AUH: variants seen among roughly 807,000 people sequenced by gnomAD.
AUH encodes methylglutaconyl-CoA hydratase, mitochondrial.
A neutral mutation model predicts 42.3 loss-of-function variants in AUH; 29 were observed. The ratio of observed to expected loss-of-function variants is 0.69; its 90% CI spans 0.51 to 0.93. AUH has a LOEUF of 0.93. Among genes scored for constraint, AUH ranks in the 40% least tolerant of loss-of-function variants. The pLI is 0.00. For missense variants in AUH, 452 were observed against 438.1 expected, an observed-to-expected ratio of 1.03 and a Z score of -0.28; for synonymous variants, 174 against 166.4, an observed-to-expected ratio of 1.05 and a Z score of -0.35.
intron 4 of AUH, among the ~76,000 whole-genome samples, chr9:91,317,899 TTGGCTA>T (rs1564095362): frequency 1.3e-4 from 20 of 152,396 alleles, no homozygotes; most frequent in African/African-American, 4.8e-4. Context: ...TTTATTTTCA[TTGGCTA>T]ACATCATGAG....
At chr9:91,230,719 C>T (rs1331161856) in intron 6 of AUH, among the ~76,000 whole-genome samples, 1 of 152,076 alleles carries the variant, frequency 6.6e-6, no homozygotes, top group Admixed American at 6.5e-5. Context: ...TGGTGATGTA[C>T]AGATGGGTTT....
chr9:91,232,209 ACT>A (rs1460666411), intron 6 of AUH, among the ~76,000 whole-genome samples: 1 of 151,874 alleles, frequency 6.6e-6, no homozygotes, highest in Non-Finnish European at 1.5e-5. Flanking sequence ...ACGTAACAAG[ACT>A]CTGTCTCTAC....
intron 6 of AUH, among the ~76,000 whole-genome samples, chr9:91,233,746 A>T (rs920071850): frequency 6.6e-6 from 1 of 152,240 alleles, no homozygotes; most frequent in African/African-American, 2.4e-5. Flanking sequence ...GAGGCTGGAC[A>T]GGCAGTTGAA....
chr9:91,302,613 CA>C (rs1474832730), intron 4 of AUH, among the ~76,000 whole-genome samples: 1 of 150,428 alleles, frequency 6.6e-6, no homozygotes, highest in Non-Finnish European at 1.5e-5. Context: ...AACAAACAAA[CA>C]AAAAAATTAG....
intron 6 of AUH, among the ~76,000 whole-genome samples, chr9:91,268,962 G>A (rs1039156566): frequency 1.3e-5 from 2 of 151,666 alleles, no homozygotes; most frequent in East Asian, 3.9e-4. Flanking sequence ...TACTGAGGTG[G>A]TATGATTCAG....
chr9:91,221,996 A>T (rs1827161047), intron 6 of AUH, among the ~76,000 whole-genome samples: 1 of 152,236 alleles, frequency 6.6e-6, no homozygotes, highest in Non-Finnish European at 1.5e-5. Flanking sequence ...CTGTGCCAAG[A>T]GGCAGAGGAG....
At chr9:91,239,013 T>C (rs1192657454) in intron 6 of AUH, among the ~76,000 whole-genome samples, 2 of 152,262 alleles carry the variant, frequency 1.3e-5, no homozygotes, top group Non-Finnish European at 2.9e-5. Context: ...TATTTACATG[T>C]ATTAAAATAA....
chr9:91,229,423 C>A (rs1338524606), intron 6 of AUH, among the ~76,000 whole-genome samples: 1 of 148,714 alleles, frequency 6.7e-6, no homozygotes, highest in Non-Finnish European at 1.5e-5. Flanking sequence ...CTTCCTCCAT[C>A]CTTTTATTTT....
At chr9:91,280,210 T>TGTAG (rs1241375762) in intron 6 of AUH, among the ~76,000 whole-genome samples, 1 of 152,252 alleles carries the variant, frequency 6.6e-6, no homozygotes, top group East Asian at 1.9e-4. Flanking sequence ...CTTCCTTGAT[T>TGTAG]AACTTTCTAC....
chr9:91,235,453 A>G (rs2131311845), intron 6 of AUH, among the ~76,000 whole-genome samples: 1 of 152,272 alleles, frequency 6.6e-6, no homozygotes, highest in African/African-American at 2.4e-5. Context: ...GAGGAGGGGG[A>G]AGCTGTGCTC....
intron 3 of AUH, among the ~76,000 whole-genome samples, chr9:91,339,764 T>C (rs1830965345): frequency 6.6e-6 from 1 of 152,100 alleles, no homozygotes; most frequent in African/African-American, 2.4e-5. Flanking sequence ...TCCCTCAAAA[T>C]ATATGAAATG....
chr9:91,235,819 C>A (rs760752626), intron 6 of AUH, among the ~76,000 whole-genome samples: 34 of 152,192 alleles, frequency 2.2e-4, no homozygotes, highest in Non-Finnish European at 4.3e-4. Flanking sequence ...CACAGGTCTT[C>A]TTCCAGGATG....
At chr9:91,314,169 C>T (rs569621304) in intron 4 of AUH, among the ~76,000 whole-genome samples, 5 of 152,036 alleles carry the variant, frequency 3.3e-5, no homozygotes, top group Non-Finnish European at 7.4e-5. Context: ...TCTCTCCCAT[C>T]AAAGAGAAAA....
chr9:91,341,236 G>A (rs1418611011), intron 3 of AUH, among the ~76,000 whole-genome samples: 1 of 152,026 alleles, frequency 6.6e-6, no homozygotes, highest in African/African-American at 2.4e-5. Context: ...CACATAACTG[G>A]GCAGCCTTGG....
chr9:91,224,531 A>G (rs1364252769), intron 6 of AUH, among the ~76,000 whole-genome samples: 1 of 152,162 alleles, frequency 6.6e-6, no homozygotes, highest in Admixed American at 6.6e-5. Flanking sequence ...TGCCAAATCC[A>G]ATGTTATAAA....
intron 5 of AUH, among the ~76,000 whole-genome samples, chr9:91,296,772 G>A (rs1587801506): frequency 6.6e-6 from 1 of 152,174 alleles, no homozygotes; most frequent in Admixed American, 6.5e-5. Context: ...CTAAAATGAA[G>A]TGAAAAGGAG....
At position 91,217,305 on chromosome 9, in the gene AUH, G is replaced by A. The variant is rs863223913; in HGVS notation, c.866C>T (p.Ala289Val). 1.9e-6 allele frequency: 3 copies of A among 1,613,710 alleles called. No homozygotes were observed. Among genetic ancestry groups the A allele is most frequent in the Admixed American group, 1.7e-5 (1 of 60,000 alleles). Reference sequence around the variant, plus strand: ...CATCCCTTGATTAATTGCTAATTTTGCCACTCTCATTGCAACAGGTCCCTA... The same window carrying A: ...CATCCCTTGATTAATTGCTAATTTTACCACTCTCATTGCAACAGGTCCCTA... ...LPQGPVAMRV[A>V]KLAINQGMEV... Residue 289 changes from alanine (A) to valine (V), a missense_variant, in exon 8 of 10, where the codon GCA becomes GTA. Coordinates refer to ENST00000375731, the MANE Select transcript of AUH (RefSeq NM_001698.3).
chr9:91,238,887 C>A (rs1446744184), intron 6 of AUH, among the ~76,000 whole-genome samples: 2 of 152,192 alleles, frequency 1.3e-5, no homozygotes, highest in Non-Finnish European at 2.9e-5. Context: ...ACCTTCAATG[C>A]CATGGGGAGA....
intron 5 of AUH, among the ~76,000 whole-genome samples, chr9:91,296,678 A>T (rs1298067796): frequency 1.3e-5 from 2 of 152,126 alleles, no homozygotes; most frequent in African/African-American, 4.8e-5. Flanking sequence ...AATTTCCAAA[A>T]CCTGTATTCT....
Sources: gnomAD v4.1 joint callset for allele counts (sites outside exome capture counted in the v4.1 genomes callset) on GRCh38, gnomAD v4.1.1 for gene constraint, MANE v1.5 for transcripts, NCBI Gene and HGNC (gene_info 2026-07-23, HGNC 2026-07-21) for gene names.